The following MS4A3 variants were observed in gnomAD, a reference collection of about 807,000 sequenced individuals.
MS4A3 encodes membrane spanning 4-domains A3.
MS4A3 carries 18 observed loss-of-function variants against 24.7 expected under a neutral mutation model. The observed-to-expected ratio is 0.73, with a 90% CI of 0.50 to 1.08. MS4A3 has a LOEUF of 1.08. Ranked by LOEUF, MS4A3 falls within the 50% of genes least tolerant of loss-of-function variation. The pLI is 0.00. For missense variants in MS4A3, 282 were observed against 251.7 expected (o/e 1.12, Z -0.82); for synonymous variants, 84 against 95.3 (o/e 0.88, Z 0.69).
At chr11:60,066,826 C>T in intron 4 of MS4A3, 125 bp from the exon 5 acceptor site, 1 of 685,744 alleles carries the variant, frequency 1.5e-6, no homozygotes, top group Non-Finnish European at 2.2e-6. Context: ...TTGATGTTAG[C>T]CTCGCATCTA....
At chr11:60,058,308 A>G (rs546875807) in intron 1 of MS4A3, among the ~76,000 whole-genome samples, 103 of 151,446 alleles carry the variant, frequency 6.8e-4, no homozygotes, top group Non-Finnish European at 1.0e-3. Flanking sequence ...AGAGTTCGAG[A>G]CCAGCCTGGC....
chr11:60,062,775 T>A, intron 3 of MS4A3, 170 bp downstream of exon 3: 1 of 447,270 alleles, frequency 2.2e-6, no homozygotes. Context: ...TTTTATTTTT[T>A]AATTTAATTA....
rs757035257 is a variant in MS4A3, at chr11:60,069,677, T to G, written c.615+2T>G. The G allele has an allele frequency of 6.2e-7, 1 of 1,604,186 alleles. No individual in the cohort carries two copies. The highest frequency in any genetic ancestry group is 1.3e-5 in the African/African-American group (1 of 74,692). ...GCAAACTGCTGTAATTCAAGAGAGG[T>G]GAGATTTTTCAAATGATTAATCATT... On this transcript the variant is annotated splice_donor_variant, in intron 6 of 6. Coordinates refer to ENST00000278865, the MANE Select transcript of MS4A3 (RefSeq NM_006138.5). LOFTEE classifies it high-confidence loss of function.
chr11:60,057,351 G>T (rs1326167202), intron 1 of MS4A3, among the ~76,000 whole-genome samples: 1 of 152,256 alleles, frequency 6.6e-6, no homozygotes, highest in Non-Finnish European at 1.5e-5. Flanking sequence ...CTGGAGAGAT[G>T]AACTTAACTG....
In MS4A3 at chr11:60,061,264, A is replaced by G. The variant is rs1308056499; in HGVS notation, c.104A>G (p.Gln35Arg). Reference protein sequence around the residue: ...GPEELNTSVYQPIDGSPDYQK... With the variant: ...GPEELNTSVYRPIDGSPDYQK... ...GAAGAGCTGAATACTTCTGTCTACC[A>G]GCCCATAGATGGATCACCAGATTAT... The change falls in exon 2 of 7, where the codon CAG (glutamine) becomes CGG (arginine). Residue 35 changes from glutamine to arginine, a missense_variant. By Grantham distance (43) the Gln-to-Arg change is conservative (BLOSUM62 1). Transcript: ENST00000278865. 6.2e-7 allele frequency: 1 copy of G among 1,613,956 alleles called. No individual in the cohort carries two copies. Among genetic ancestry groups the G allele is most frequent in the Admixed American group, 1.7e-5 (1 of 59,966 alleles).
intron 3 of MS4A3, among the ~76,000 whole-genome samples, chr11:60,063,187 T>C (rs2134661918): frequency 6.6e-6 from 1 of 152,302 alleles, no homozygotes; most frequent in South Asian, 2.1e-4. Flanking sequence ...TATGTTACAT[T>C]TATAGATACT....
intron 5 of MS4A3, among the ~76,000 whole-genome samples, chr11:60,067,416 C>T (rs1489731244): frequency 1.3e-5 from 2 of 151,770 alleles, no homozygotes; most frequent in Non-Finnish European, 2.9e-5. Context: ...GGGGTTTTAC[C>T]GTGTTAACCA....
chr11:60,066,450 T>C (rs1454252165), intron 4 of MS4A3, among the ~76,000 whole-genome samples: 1 of 152,164 alleles, frequency 6.6e-6, no homozygotes, highest in Non-Finnish European at 1.5e-5. Flanking sequence ...CTTTCCTTCT[T>C]CTTCATTTCC....
intron 4 of MS4A3, 113 bp from the exon 5 acceptor site, chr11:60,066,838 G>A (rs1855368471): frequency 2.6e-6 from 2 of 774,000 alleles, no homozygotes; most frequent in East Asian, 3.0e-5. Flanking sequence ...TCGCATCTAG[G>A]ATATCAGTGG....
chr11:60,058,506 C>CAAAA (rs58722616), intron 1 of MS4A3, among the ~76,000 whole-genome samples: 1,157 of 17,882 alleles, frequency 0.065, 496 homozygotes, highest in Non-Finnish European at 0.12. Context: ...AGCTCCAACT[C>CAAAA]AAAAAAAAAA....
At position 60,062,465 on chromosome 11, in the gene MS4A3, C is replaced by G; in HGVS notation, c.157-3C>G. 6.2e-6 allele frequency: 10 copies of G among 1,614,012 alleles called. No individual in the cohort carries two copies. Among genetic ancestry groups the G allele is most frequent in the Non-Finnish European group, 7.6e-6 (9 of 1,179,944 alleles). On this transcript the variant is annotated splice_region_variant and splice_polypyrimidine_tract_variant and intron_variant, in intron 2 of 6. Transcript: ENST00000278865. ...TACGCCTTTTTCCCCTTTCTTCTTT[C>G]AGGCCATCCAGATCCTGAATGCAGC... is the stretch of plus-strand genomic sequence containing the variant.
In MS4A3 at chr11:60,066,954, C is replaced by A; in HGVS notation, c.355C>A (p.Gln119Lys). The change falls in exon 5 of 7, where the codon CAG (glutamine) becomes AAG (lysine). Residue 119 changes from glutamine to lysine, a missense_variant. Physicochemically the swap from Gln to Lys is moderately conservative, Grantham distance 53. Coordinates refer to ENST00000278865, the MANE Select transcript of MS4A3 (RefSeq NM_006138.5). The stretch of plus-strand genomic sequence containing the variant: ...GAAAATTCTTATTCTTTTTTAGATA[C>A]AGAACAGTTTTGGAATGAACATTGC... ...AGIKPTRTWIQNSFGMNIASA... is the reference protein window; with the variant it reads ...AGIKPTRTWIKNSFGMNIASA... The A allele has an allele frequency of 1.3e-6, 2 of 1,587,810 alleles. No homozygotes were observed. The highest frequency in any genetic ancestry group is 1.7e-6 in the Non-Finnish European group (2 of 1,173,122).
intron 1 of MS4A3, among the ~76,000 whole-genome samples, chr11:60,058,331 A>C (rs1244968005): frequency 6.6e-6 from 1 of 150,762 alleles, no homozygotes; most frequent in Non-Finnish European, 1.5e-5. Flanking sequence ...ACATGGTAAA[A>C]CCCCATCTCT....
At chr11:60,067,169 C>A in intron 5 of MS4A3, 57 bp downstream of exon 5, 92 of 1,095,242 alleles carry the variant, frequency 8.4e-5, no homozygotes, top group East Asian at 1.3e-4. Flanking sequence ...CCAGGATGTA[C>A]AGAAAAATAA....
intron 2 of MS4A3, 43 bp downstream of exon 2, chr11:60,061,359 A>G: frequency 6.4e-7 from 1 of 1,566,522 alleles, no homozygotes; most frequent in Non-Finnish European, 8.6e-7. Context: ...GAGGGAAGAA[A>G]ATAAATACAG....
At chr11:60,061,488 A>T in intron 2 of MS4A3, 172 bp downstream of exon 2, 1 of 756,824 alleles carries the variant, frequency 1.3e-6, no homozygotes, top group Non-Finnish European at 2.3e-6. Context: ...CTTCTTCCTC[A>T]GTCTATTCAA....
intron 1 of MS4A3, among the ~76,000 whole-genome samples, 190 bp downstream of exon 1, chr11:60,056,930 TAGAC>T (rs1370444185): frequency 6.6e-6 from 1 of 152,154 alleles, no homozygotes; most frequent in Non-Finnish European, 1.5e-5. Context: ...TAAAAAGTGT[TAGAC>T]ATAATAATAC....
intron 5 of MS4A3, among the ~76,000 whole-genome samples, chr11:60,067,744 G>T (rs1024684772): frequency 5.3e-5 from 8 of 151,348 alleles, no homozygotes; most frequent in Non-Finnish European, 7.4e-5. Flanking sequence ...TCCCCAGAGA[G>T]ATTTTTTTTT....
intron 3 of MS4A3, among the ~76,000 whole-genome samples, chr11:60,063,539 A>G (rs868565531): frequency 6.6e-6 from 1 of 152,116 alleles, no homozygotes; most frequent in African/African-American, 2.4e-5. Flanking sequence ...GTTTGGGTTC[A>G]TTGCAGATTC....
Sources: allele counts gnomAD v4.1 joint callset (sites outside exome capture counted in the v4.1 genomes callset), GRCh38; gene constraint gnomAD v4.1.1; transcripts MANE v1.5; gene names NCBI Gene and HGNC (gene_info 2026-07-23, HGNC 2026-07-21).